The following AOAH variants were observed in gnomAD, a reference collection of about 807,000 sequenced individuals.
AOAH encodes acyloxyacyl hydrolase.
AOAH carries 64 observed loss-of-function variants against 92.2 expected under a neutral mutation model. The ratio of observed to expected loss-of-function variants is 0.69; its 90% CI spans 0.57 to 0.86. The LOEUF is 0.86. AOAH is among the 40% of genes least tolerant of loss of function. AOAH has a pLI of 0.00. For synonymous variants in AOAH, 263 were observed against 254.5 expected, an observed-to-expected ratio of 1.03 and a Z score of -0.32; for missense variants, 656 against 694.6, an observed-to-expected ratio of 0.94 and a Z score of 0.62.
chr7:36,642,958 G>A (rs7800893), intron 4 of AOAH, among the ~76,000 whole-genome samples: 60,426 of 152,038 alleles, frequency 0.4, 12,940 homozygotes, highest in African/African-American at 0.55. Context: ...CATCTGTAAA[G>A]TGGAGATAAT....
intron 1 of AOAH, among the ~76,000 whole-genome samples, chr7:36,711,187 A>C (rs1798748591): frequency 6.6e-6 from 1 of 152,184 alleles, no homozygotes; most frequent in African/African-American, 2.4e-5. Flanking sequence ...TGTAATCACT[A>C]TGACTATTTT....
At chr7:36,608,533 C>T (rs1583930910) in intron 11 of AOAH, among the ~76,000 whole-genome samples, 2 of 152,298 alleles carry the variant, frequency 1.3e-5, no homozygotes, top group East Asian at 3.9e-4. Context: ...AAAAATGATT[C>T]CCGATTTCTG....
chr7:36,640,500 A>G (rs12539267), intron 4 of AOAH, among the ~76,000 whole-genome samples: 29,094 of 152,128 alleles, frequency 0.19, 3,378 homozygotes, highest in African/African-American at 0.31. Flanking sequence ...CCGGGGCAAC[A>G]GGGGCTTAGC....
chr7:36,697,091 G>A (rs952343979), intron 1 of AOAH, among the ~76,000 whole-genome samples: 6 of 152,066 alleles, frequency 3.9e-5, no homozygotes, highest in African/African-American at 7.2e-5. Context: ...TAGAAGTGGT[G>A]AGAATGGACA....
intron 2 of AOAH, among the ~76,000 whole-genome samples, chr7:36,683,724 T>C (rs1584108967): frequency 1.4e-5 from 1 of 72,556 alleles, no homozygotes; most frequent in African/African-American, 3.3e-5. Context: ...GGTTCTGAAC[T>C]TGAATTTGAA....
intron 3 of AOAH, among the ~76,000 whole-genome samples, chr7:36,671,640 T>C (rs925375388): frequency 3.5e-4 from 51 of 144,158 alleles, no homozygotes; most frequent in African/African-American, 1.4e-3. Flanking sequence ...TCTGTGTGTG[T>C]GCACGTGTTT....
chr7:36,705,378 T>A (rs1187779646), intron 1 of AOAH, among the ~76,000 whole-genome samples: 1 of 152,118 alleles, frequency 6.6e-6, no homozygotes, highest in African/African-American at 2.4e-5. Flanking sequence ...AAACTTCCAT[T>A]CACAATTGCT....
chr7:36,559,641 G>A (rs574224688), intron 13 of AOAH, among the ~76,000 whole-genome samples: 1 of 152,110 alleles, frequency 6.6e-6, no homozygotes, highest in South Asian at 2.1e-4. Flanking sequence ...TACAGATTCT[G>A]GATATTCGAC....
At chr7:36,713,483 T>A (rs138272810) in intron 1 of AOAH, among the ~76,000 whole-genome samples, 5,661 of 152,150 alleles carry the variant, frequency 0.037, 151 homozygotes, top group East Asian at 0.11. Context: ...CAGACCTAAT[T>A]GACATCTACA....
intron 18 of AOAH, among the ~76,000 whole-genome samples, chr7:36,531,483 A>T (rs907126979): frequency 6.6e-6 from 1 of 152,058 alleles, no homozygotes; most frequent in African/African-American, 2.4e-5. Flanking sequence ...AGCAGCTGGG[A>T]CTACAGGTGC....
chr7:36,721,721 C>A (rs959170279), intron 1 of AOAH, among the ~76,000 whole-genome samples: 32 of 152,310 alleles, frequency 2.1e-4, no homozygotes, highest in Middle Eastern at 6.8e-3. Context: ...GTATGGGCAA[C>A]CAAAGTGAAC....
intron 2 of AOAH, among the ~76,000 whole-genome samples, chr7:36,681,784 G>C (rs1198405680): frequency 6.6e-6 from 1 of 152,176 alleles, no homozygotes; most frequent in Non-Finnish European, 1.5e-5. Flanking sequence ...CTGGGTGACA[G>C]AGCAAGACTC....
intron 12 of AOAH, among the ~76,000 whole-genome samples, chr7:36,589,047 T>C (rs1039938106): frequency 2.9e-5 from 4 of 139,974 alleles, no homozygotes; most frequent in Non-Finnish European, 6.0e-5. Context: ...TTTAGCTTTT[T>C]ACTTTTTTTG....
chr7:36,606,066 A>G (rs1303467188), intron 11 of AOAH, among the ~76,000 whole-genome samples: 2 of 152,230 alleles, frequency 1.3e-5, no homozygotes, highest in African/African-American at 4.8e-5. Flanking sequence ...TTAAAATATA[A>G]TAAGAAAGCA....
intron 2 of AOAH, among the ~76,000 whole-genome samples, chr7:36,679,544 T>TTATACATTATTATACGTATAATATG (rs1796504191): frequency 1.5e-5 from 2 of 134,774 alleles, no homozygotes; most frequent in African/African-American, 5.6e-5. Context: ...GCAGATATTG[T>TTATACATTATTATACGTATAATATG]TATACATTAT....
At chr7:36,546,549 T>C (rs1432132301) in intron 15 of AOAH, among the ~76,000 whole-genome samples, 1 of 152,198 alleles carries the variant, frequency 6.6e-6, no homozygotes, top group South Asian at 2.1e-4. Flanking sequence ...CTCTGGCTGA[T>C]GTCTGCCTGC....
rs1015303548 is a variant in AOAH, at chr7:36,614,097, G to A, written c.846+2283C>T. ...GGATCAGTTTCAGTTTTCTGGGAGA[G>A]GGAAGAGGGAAGCACATCCATAGGT... is the stretch of plus-strand genomic sequence containing the variant. On this transcript the variant is annotated intron_variant, in intron 11 of 20. Coordinates refer to ENST00000617537, the MANE Select transcript of AOAH (RefSeq NM_001637.4). This position sits in a 1 kb window ranked among gnomAD's most constrained non-coding sequence, Gnocchi z 4.2. 1.3e-5 allele frequency among the ~76,000 whole-genome samples: 2 copies of A among 152,168 alleles called. No homozygotes were observed. Among genetic ancestry groups the A allele is most frequent in the African/African-American group, 4.8e-5 (2 of 41,426 alleles).
intron 3 of AOAH, chr7:36,661,283 C>G (rs1394768536): frequency 6.6e-6 from 1 of 152,218 alleles, no homozygotes; most frequent in African/African-American, 2.4e-5. Flanking sequence ...CGGCTTCACC[C>G]TGGGCTACTC....
chr7:36,642,610 G>A (rs1156243743), intron 4 of AOAH, among the ~76,000 whole-genome samples: 2 of 152,204 alleles, frequency 1.3e-5, no homozygotes, highest in African/African-American at 4.8e-5. Flanking sequence ...TCGACCTTGA[G>A]CTAAGAGTAA....
Sources: allele counts gnomAD v4.1 joint callset (sites outside exome capture counted in the v4.1 genomes callset), GRCh38; gene constraint gnomAD v4.1.1; non-coding constraint Gnocchi (gnomAD v3.1); transcripts MANE v1.5; gene names NCBI Gene and HGNC (gene_info 2026-07-23, HGNC 2026-07-21).